PTGR2: variants seen among roughly 807,000 people sequenced by gnomAD.
PTGR2 encodes 15-oxoprostaglandin 13-reductase.
A neutral mutation model predicts 43.4 loss-of-function variants in PTGR2; 32 were observed. The ratio of observed to expected loss-of-function variants is 0.74; its 90% CI spans 0.56 to 0.99. The LOEUF (loss-of-function observed/expected upper bound fraction) is 0.99, where lower values mean the gene tolerates loss of function less well. Among genes scored for constraint, PTGR2 ranks in the 50% least tolerant of loss-of-function variants. The probability of loss-of-function intolerance (pLI) is 0.00; values close to 1 mark genes in which losing one functional copy is unlikely to be tolerated. For missense variants in PTGR2, 373 were observed against 420.0 expected (o/e 0.89, Z 0.98); for synonymous variants, 106 against 139.2 (o/e 0.76, Z 1.68).
chr14:73,853,509 G>A (rs2054278097), intron 1 of PTGR2, among the ~76,000 whole-genome samples: 1 of 151,978 alleles, frequency 6.6e-6, no homozygotes, highest in Non-Finnish European at 1.5e-5. Context: ...TTTTAGTAGA[G>A]GTGGGGTTTC....
chr14:73,851,980 C>T (rs1423196951), intron 1 of PTGR2, 37 bp downstream of exon 1: 2 of 152,242 alleles, frequency 1.3e-5, no homozygotes, highest in East Asian at 1.9e-4. Flanking sequence ...GACTGTGGCT[C>T]CCGAAGCTGC....
chr14:73,876,483 C>CTTTTTTTTTTTTTTTTT (rs766810794), intron 4 of PTGR2, among the ~76,000 whole-genome samples: 5 of 108,568 alleles, frequency 4.6e-5, no homozygotes, highest in Admixed American at 1.0e-4. Flanking sequence ...GACATAAGTC[C>CTTTTTTTTTTTTTTTTT]TTTTTTTTTT....
rs1449563271 is a variant in PTGR2 at position 73,884,346 on chromosome 14, C to T, written c.*169C>T. 2.2e-6 allele frequency: 1 copy of T among 462,564 alleles called. No individual in the cohort carries two copies. Among genetic ancestry groups the T allele is most frequent in the African/African-American group, 2.1e-5 (1 of 48,470 alleles). 28.7% of individuals were successfully genotyped at this position (462,564 alleles called of 1,614,324 possible). On this transcript the variant is annotated 3_prime_UTR_variant, in exon 10 of 10. Coordinates refer to ENST00000555661, the MANE Select transcript of PTGR2 (RefSeq NM_001146154.2). Reference sequence around the variant, plus strand: ...GATACAATCATTAATGGATCATACACAATAGGTTTTTAAAAATTAATAACT... The same window carrying T: ...GATACAATCATTAATGGATCATACATAATAGGTTTTTAAAAATTAATAACT...
rs58234739 is a variant in PTGR2, at chr14:73,883,188, C to CTTTTT, written c.979+778_979+782dup. Among the ~76,000 whole-genome samples, 384 of 58,138 alleles carry CTTTTT rather than the reference C, an allele frequency of 6.6e-3. 35 individuals are homozygous for CTTTTT. The highest frequency in any genetic ancestry group is 0.014 in the African/African-American group (179 of 12,584). 38.1% of individuals were successfully genotyped at this position (58,138 alleles called of 152,430 possible). A position where few individuals can be genotyped will look rare whatever the true frequency, so the allele number is the denominator to read the frequency against. ...CCTGCCCTTCCCTCCCCTCACCTCC[C>CTTTTT]TTTTTTTTTTTTTTTTTTTTTTTTT... is the stretch of plus-strand genomic sequence containing the variant. On this transcript the variant is annotated intron_variant, in intron 9 of 9. Coordinates refer to ENST00000555661, the MANE Select transcript of PTGR2 (RefSeq NM_001146154.2).
intron 1 of PTGR2, among the ~76,000 whole-genome samples, chr14:73,855,541 AG>A (rs2054326073): frequency 1.3e-5 from 2 of 151,748 alleles, no homozygotes; most frequent in Admixed American, 1.3e-4. Context: ...CCACCTCTTG[AG>A]TTCAAGCAAT....
chr14:73,871,975 G>C (rs995317246), intron 3 of PTGR2, among the ~76,000 whole-genome samples: 42 of 152,154 alleles, frequency 2.8e-4, no homozygotes, highest in African/African-American at 9.7e-4. Flanking sequence ...TTCTGCATCA[G>C]TTCTCTGTTT....
chr14:73,867,382 G>A (rs1391021772), intron 3 of PTGR2, among the ~76,000 whole-genome samples: 1 of 151,994 alleles, frequency 6.6e-6, no homozygotes, highest in Non-Finnish European at 1.5e-5. Flanking sequence ...AGATATGTAT[G>A]TATCCTGTTG....
chr14:73,855,620 A>G (rs2054327777), intron 1 of PTGR2, among the ~76,000 whole-genome samples: 1 of 151,218 alleles, frequency 6.6e-6, no homozygotes, highest in Non-Finnish European at 1.5e-5. Context: ...TGATTTTTGT[A>G]TGTTTAGTAG....
At chr14:73,862,211 T>C (rs1055957797) in intron 3 of PTGR2, among the ~76,000 whole-genome samples, 1 of 151,560 alleles carries the variant, frequency 6.6e-6, no homozygotes, top group East Asian at 1.9e-4. Flanking sequence ...TGTTGTTGTT[T>C]GTTTGTTTGT....
At chr14:73,873,473 T>C (rs12890218) in intron 3 of PTGR2, among the ~76,000 whole-genome samples, 22,781 of 151,582 alleles carry the variant, frequency 0.15, 2,218 homozygotes, top group East Asian at 0.32. Context: ...TTCTTTTTTT[T>C]TTTTGAGACG....
intron 6 of PTGR2, chr14:73,879,511 T>A: frequency 2.0e-6 from 1 of 510,940 alleles, no homozygotes; most frequent in Non-Finnish European, 3.4e-6. Flanking sequence ...AACTTCAATT[T>A]CAGTTATTTG....
In PTGR2 at chr14:73,879,100, G is replaced by T; in HGVS notation, c.524G>T (p.Gly175Val). 6.2e-7 allele frequency: 1 copy of T among 1,613,352 alleles called. No homozygotes were observed. The highest frequency in any genetic ancestry group is 8.5e-7 in the Non-Finnish European group (1 of 1,179,658). ...GACGSVAGQI[G>V]HFLGCSRVVG... ...ATCTTCAAATTTCCCCCCTAGATTG[G>T]CCATTTCTTAGGTTGTTCCAGAGTG... Residue 175 changes from glycine to valine, a missense_variant, in exon 6 of 10, where the codon GGC becomes GTC. Physicochemically the swap from Gly to Val is moderately radical, Grantham distance 109. Coordinates refer to ENST00000555661, the MANE Select transcript of PTGR2 (RefSeq NM_001146154.2).
Position 73,876,483 on chromosome 14 carries a change from C to CTTTTTTTTTTTTTTTTTTTTTTTTTT in PTGR2, c.349-499_349-498insTTTTTTTTTTTTTTTTTTTTTTTTTT, listed in dbSNP as rs766810794. 1.5e-3 allele frequency among the ~76,000 whole-genome samples: 165 copies of CTTTTTTTTTTTTTTTTTTTTTTTTTT among 108,496 alleles called. 8 individuals carry two copies. Among genetic ancestry groups the CTTTTTTTTTTTTTTTTTTTTTTTTTT allele is most frequent in the South Asian group, 3.2e-3 (8 of 2,466 alleles). 71.2% of individuals were successfully genotyped at this position (108,496 alleles called of 152,430 possible). Reference sequence around the variant, plus strand: ...TCTTCTTCTTCTAAGGACATAAGTCCTTTTTTTTTTTTTTTTGAGATGAAG... The same window carrying CTTTTTTTTTTTTTTTTTTTTTTTTTT: ...TCTTCTTCTTCTAAGGACATAAGTCCTTTTTTTTTTTTTTTTTTTTTTTTTTTTTTTTTTTTTTTTTTGAGATGAAG... On this transcript the variant is annotated intron_variant, in intron 4 of 9. Coordinates refer to ENST00000555661, the MANE Select transcript of PTGR2 (RefSeq NM_001146154.2).
At chr14:73,868,026 C>T (rs972102836) in intron 3 of PTGR2, among the ~76,000 whole-genome samples, 2 of 152,206 alleles carry the variant, frequency 1.3e-5, no homozygotes, top group African/African-American at 4.8e-5. Flanking sequence ...GTGGCTCACG[C>T]TTGTAATCCT....
chr14:73,878,776 T>C, intron 5 of PTGR2: 1 of 348,744 alleles, frequency 2.9e-6, no homozygotes, highest in African/African-American at 2.2e-5. Flanking sequence ...GGCTAAGCTA[T>C]GATGTTCAGT....
intron 1 of PTGR2, among the ~76,000 whole-genome samples, chr14:73,853,323 C>CT (rs1202835537): frequency 2.8e-5 from 4 of 141,952 alleles, no homozygotes; most frequent in South Asian, 2.4e-4. Flanking sequence ...TTTTTCTTCT[C>CT]TTTTTTCTTT....
Position 73,884,090 on chromosome 14 carries a change from T to C in PTGR2, c.980-11T>C, listed in dbSNP as rs775149569. On this transcript the variant is annotated splice_polypyrimidine_tract_variant and intron_variant, in intron 9 of 9. Transcript: ENST00000555661. Reference sequence around the variant, plus strand: ...TTATCTTTTCAGATAACCTACTTTCTCTTTTTCCAGCTGCATTCCAGTCCA... The same window carrying C: ...TTATCTTTTCAGATAACCTACTTTCCCTTTTTCCAGCTGCATTCCAGTCCA... The C allele has an allele frequency of 1.3e-6, 2 of 1,580,052 alleles. No individual in the cohort carries two copies. The highest frequency in any genetic ancestry group is 1.7e-6 in the Non-Finnish European group (2 of 1,155,124).
chr14:73,866,167 A>G (rs2140248516), intron 3 of PTGR2, among the ~76,000 whole-genome samples: 1 of 151,770 alleles, frequency 6.6e-6, no homozygotes, highest in Middle Eastern at 3.4e-3. Context: ...ACACCTGGCT[A>G]ATATTTTGTA....
At chr14:73,880,019 G>A (rs992737493) in intron 6 of PTGR2, 36 bp from the exon 7 acceptor site, 12 of 1,607,358 alleles carry the variant, frequency 7.5e-6, no homozygotes, top group African/African-American at 4.0e-5. Context: ...GTAAACATAG[G>A]AAAGGGATAT....
Sources: allele counts gnomAD v4.1 joint callset (sites outside exome capture counted in the v4.1 genomes callset), GRCh38; gene constraint gnomAD v4.1.1; transcripts MANE v1.5; gene names NCBI Gene and HGNC (gene_info 2026-07-23, HGNC 2026-07-21).